The following MREG variants were observed in gnomAD, a reference collection of about 807,000 sequenced individuals.
MREG encodes the protein melanoregulin.
A neutral mutation model predicts 28.5 loss-of-function variants in MREG; 31 were observed. The ratio of observed to expected loss-of-function variants is 1.09; its 90% CI spans 0.82 to 1.47. The LOEUF (loss-of-function observed/expected upper bound fraction) is 1.47. MREG is among the 40% of genes most tolerant of loss of function. The pLI, the probability that MREG is intolerant of heterozygous loss-of-function variation, is 0.00. For missense variants in MREG, 256 were observed against 257.4 expected (o/e 0.99, Z 0.04); for synonymous variants, 106 against 95.2 (o/e 1.11, Z -0.66).
chr2:216,026,196 G>A (rs898052415), intron 1 of MREG, among the ~76,000 whole-genome samples: 10 of 152,124 alleles, frequency 6.6e-5, no homozygotes, highest in African/African-American at 2.2e-4. Context: ...GACAGGGGTG[G>A]GGGACAGAAT....
At chr2:216,024,565 C>T (rs779546583) in intron 1 of MREG, among the ~76,000 whole-genome samples, 94 of 152,114 alleles carry the variant, frequency 6.2e-4, no homozygotes, top group Non-Finnish European at 8.2e-4. Context: ...TAAACAAATA[C>T]GGTTTCTTGC....
intron 2 of MREG, among the ~76,000 whole-genome samples, chr2:215,948,577 T>C (rs1394162961): frequency 6.6e-6 from 1 of 152,180 alleles, no homozygotes; most frequent in East Asian, 1.9e-4. Flanking sequence ...TCACAGACTA[T>C]ATAAGTTGTA....
intron 2 of MREG, among the ~76,000 whole-genome samples, chr2:215,978,330 C>G (rs748883631): frequency 1.3e-5 from 2 of 152,012 alleles, no homozygotes; most frequent in Non-Finnish European, 2.9e-5. Context: ...AAGACTAAAC[C>G]AGGAAGAAAC....
chr2:215,956,305 C>G lies in MREG; in HGVS notation c.256-9192G>C, dbSNP rs369593420. On this transcript the variant is annotated intron_variant, in intron 2 of 4. Coordinates refer to ENST00000263268, the MANE Select transcript of MREG (RefSeq NM_018000.3). ...ATATGTAAAGAGATAAGAGTGGTAC[C>G]TAGAAAATAGTAAATACTCTGTAAA... Among the ~76,000 whole-genome samples the G allele has an allele frequency of 2.0e-5, 3 of 152,216 alleles. No homozygotes were observed. In the East Asian group the frequency reaches 5.8e-4, roughly 29 times the overall value.
chr2:216,023,515 T>C (rs1217471669), intron 1 of MREG, among the ~76,000 whole-genome samples: 23 of 152,248 alleles, frequency 1.5e-4, no homozygotes, highest in Admixed American at 1.5e-3. Flanking sequence ...TTGATTATTG[T>C]ATTACTATTT....
chr2:215,987,948 G>C (rs1240158147), intron 2 of MREG, among the ~76,000 whole-genome samples: 24 of 151,918 alleles, frequency 1.6e-4, no homozygotes, highest in Admixed American at 1.6e-3. Flanking sequence ...AAAGAAGAAG[G>C]AAGCACTATG....
At chr2:215,984,518 C>CAAAAAAAAAAAAAAAAAAAAAA (rs375220091) in intron 2 of MREG, among the ~76,000 whole-genome samples, 2 of 68,064 alleles carry the variant, frequency 2.9e-5, no homozygotes, top group African/African-American at 1.4e-4. Flanking sequence ...ACCTTGTCAC[C>CAAAAAAAAAAAAAAAAAAAAAA]AAAAAAAAAA....
Position 216,013,252 on chromosome 2 carries a change from C to A in MREG, c.76G>T (p.Glu26Ter). The A allele has an allele frequency of 6.5e-7, 1 of 1,549,754 alleles. No homozygotes were observed. Among genetic ancestry groups the A allele is most frequent in the Non-Finnish European group, 8.7e-7 (1 of 1,146,716 alleles). ...CECLEERALP[E>*]KEPLVSDNNP... is the part of the protein sequence containing the mutation. ...ACCCACCTGACGAGGGGCTCCTTCTCAGGCAGGGCGCGCTCCTCCAAGCAC... is the reference window on the plus strand; with the variant it reads ...ACCCACCTGACGAGGGGCTCCTTCTAAGGCAGGGCGCGCTCCTCCAAGCAC... The change falls in exon 1 of 5, where the codon GAG (glutamate) becomes TAG (stop). Residue 26 changes from glutamate to a stop codon, truncating the protein, a stop_gained. Transcript: ENST00000263268. LOFTEE classifies it high-confidence loss of function.
chr2:215,993,791 C>T (rs971948997), intron 2 of MREG, among the ~76,000 whole-genome samples: 9 of 152,044 alleles, frequency 5.9e-5, no homozygotes, highest in Admixed American at 1.3e-4. Flanking sequence ...GACATTTGTG[C>T]GGCCAACAAA....
intron 1 of MREG, among the ~76,000 whole-genome samples, chr2:216,010,814 G>C (rs890538184): frequency 6.6e-6 from 1 of 151,514 alleles, no homozygotes; most frequent in South Asian, 2.1e-4. Flanking sequence ...ATCAATGATC[G>C]GCCAGGCGCA....
intron 1 of MREG, among the ~76,000 whole-genome samples, chr2:216,023,838 T>C (rs1559202061): frequency 6.6e-6 from 1 of 152,102 alleles, no homozygotes; most frequent in Non-Finnish European, 1.5e-5. Context: ...CAGTTAATTT[T>C]TATACATTTA....
intron 2 of MREG, among the ~76,000 whole-genome samples, chr2:215,984,974 A>G (rs1191226673): frequency 6.6e-6 from 1 of 152,196 alleles, no homozygotes; most frequent in African/African-American, 2.4e-5. Context: ...CTCCATTTCA[A>G]TCCTGATACT....
At chr2:215,954,119 G>A (rs1692554966) in intron 2 of MREG, among the ~76,000 whole-genome samples, 1 of 152,168 alleles carries the variant, frequency 6.6e-6, no homozygotes, top group African/African-American at 2.4e-5. Context: ...TGACTCTCAT[G>A]AGATGTTGCT....
intron 2 of MREG, among the ~76,000 whole-genome samples, chr2:215,961,671 C>T (rs1053785174): frequency 5.3e-5 from 8 of 152,140 alleles, no homozygotes; most frequent in Non-Finnish European, 1.5e-5. Flanking sequence ...AAATGATCTG[C>T]CTGCCTCAGC....
intron 1 of MREG, among the ~76,000 whole-genome samples, chr2:216,026,080 C>T (rs1046738205): frequency 6.6e-6 from 1 of 152,122 alleles, no homozygotes; most frequent in African/African-American, 2.4e-5. Context: ...CCCTCAAAAA[C>T]ATTATGATAA....
At chr2:216,008,740 G>C (rs1159627624) in intron 1 of MREG, among the ~76,000 whole-genome samples, 1 of 152,146 alleles carries the variant, frequency 6.6e-6, no homozygotes, top group Non-Finnish European at 1.5e-5. Context: ...AGGACCTTCG[G>C]GTGTGGGCCA....
At chr2:216,006,739 G>A (rs1694164467) in intron 1 of MREG, among the ~76,000 whole-genome samples, 1 of 152,204 alleles carries the variant, frequency 6.6e-6, no homozygotes, top group Non-Finnish European at 1.5e-5. Context: ...TCAGCTCCAA[G>A]GTCATGTGAG....
chr2:216,011,091 G>C (rs570708079), intron 1 of MREG, among the ~76,000 whole-genome samples: 1 of 103,994 alleles, frequency 9.6e-6, no homozygotes, highest in African/African-American at 4.3e-5. Context: ...GCAAGACTCC[G>C]TCTCAAAAAA....
At chr2:215,988,718 C>T (rs567751408) in intron 2 of MREG, among the ~76,000 whole-genome samples, 11 of 152,294 alleles carry the variant, frequency 7.2e-5, no homozygotes, top group South Asian at 2.1e-4. Flanking sequence ...GAGGGGCATC[C>T]GCCATTCCTG....
Sources: gnomAD v4.1 joint callset for allele counts (sites outside exome capture counted in the v4.1 genomes callset) on GRCh38, gnomAD v4.1.1 for gene constraint, MANE v1.5 for transcripts, NCBI Gene and HGNC (gene_info 2026-07-23, HGNC 2026-07-21) for gene names.